The following NCL variants were observed in gnomAD, a reference collection of about 807,000 sequenced individuals.
NCL encodes the protein nucleolin multifunctional protein.
A neutral mutation model predicts 77.7 loss-of-function variants in NCL; 4 were observed. That is an observed-to-expected ratio of 0.05 (90% CI 0.03 to 0.12). The LOEUF (loss-of-function observed/expected upper bound fraction) is 0.12, where lower values mean the gene tolerates loss of function less well. NCL is among the 10% of genes least tolerant of loss of function. The pLI is 1.00. For synonymous variants in NCL, 344 were observed against 297.8 expected (o/e 1.16, Z -1.60); for missense variants, 763 against 860.9 (o/e 0.89, Z 1.42).
intron 2 of NCL, chr2:231,462,480 G>T (rs1044095472): frequency 1.5e-5 from 7 of 469,180 alleles, no homozygotes; most frequent in African/African-American, 9.8e-5. Flanking sequence ...TAGGACCTGA[G>T]ACAAAAAATG....
chr2:231,464,237 C>A (rs1034450246), intron 1 of NCL, 99 bp downstream of exon 1: 7 of 1,507,626 alleles, frequency 4.6e-6, no homozygotes, highest in South Asian at 3.6e-5. Flanking sequence ...CGCCCTAGAA[C>A]GCGCCCGGGA....
Position 231,459,002 on chromosome 2 carries a change from T to C in NCL, c.1164A>G (p.Lys388=), listed in dbSNP as rs557411659. 1.3e-6 allele frequency: 2 copies of C among 1,584,682 alleles called. No individual in the cohort carries two copies. The highest frequency in any genetic ancestry group is 1.4e-5 in the African/African-American group (1 of 73,182). Residue 388 remains lysine, a splice_region_variant and synonymous_variant, in exon 7 of 14, where the codon AAA becomes AAG. Coordinates refer to ENST00000322723, the MANE Select transcript of NCL (RefSeq NM_005381.3). ...LEKPKGKDSK[K]ERDARTLLAK... ...ATAATCTCATAAAGCCTTACATACCTTTCTTACTGTCTTTTCCTTTTGGTT... is the reference window on the plus strand; with the variant it reads ...ATAATCTCATAAAGCCTTACATACCCTTCTTACTGTCTTTTCCTTTTGGTT...
At chr2:231,461,399 C>G in intron 3 of NCL, 141 bp downstream of exon 3, 17 of 1,348,056 alleles carry the variant, frequency 1.3e-5, no homozygotes, top group Non-Finnish European at 1.7e-5. Context: ...GTAATTAAGT[C>G]TAGCACACCA....
At chr2:231,464,227 C>A in intron 1 of NCL, 109 bp downstream of exon 1, 1 of 1,495,682 alleles carries the variant, frequency 6.7e-7, no homozygotes, top group Non-Finnish European at 9.0e-7. Context: ...CGCAGCATGG[C>A]GCCCTAGAAC....
rs767926350 is a variant in NCL, at chr2:231,461,879, T to C, written c.274A>G (p.Thr92Ala). The change falls in exon 3 of 14, where the codon ACA becomes GCA. Residue 92 changes from threonine (T) to alanine (A), a missense_variant. Transcript: ENST00000322723. ...GGTGTAACTGTCTTCTTGGCAGGTG[T>C]TGCTGCTGCCTTTTTGCCTGGAGTG... ...AVTPGKKAAA[T>A]PAKKTVTPAK... The C allele has an allele frequency of 1.9e-5, 31 of 1,614,134 alleles. No homozygotes were observed. The highest frequency in any genetic ancestry group is 2.2e-5 in the East Asian group (1 of 44,902).
rs769504580 is a variant in NCL at position 231,455,628 on chromosome 2, GA to G, written c.1833-5del. On this transcript the variant is annotated splice_region_variant and splice_polypyrimidine_tract_variant and intron_variant, in intron 12 of 13. Transcript: ENST00000322723. ...GTTGAAGTCTACAAAACCAAACCTAGAACACCAAATGAAATTGCCCATTATA... is the reference window on the plus strand; with the variant it reads ...GTTGAAGTCTACAAAACCAAACCTAGACACCAAATGAAATTGCCCATTATA... 6.6e-5 allele frequency: 106 copies of G among 1,613,714 alleles called. No individual in the cohort carries two copies. The highest frequency in any genetic ancestry group is 8.8e-5 in the Non-Finnish European group (104 of 1,179,850).
chr2:231,456,478 T>G (rs759617431), intron 11 of NCL, 153 bp downstream of exon 11: 1 of 1,325,912 alleles, frequency 7.5e-7, no homozygotes, highest in Non-Finnish European at 1.1e-6. Context: ...AGGAATTTTC[T>G]TGAGATTTCA....
intron 1 of NCL, 176 bp from the exon 2 acceptor site, chr2:231,463,492 C>T (rs926187084): frequency 2.0e-5 from 12 of 615,362 alleles, no homozygotes; most frequent in Non-Finnish European, 3.1e-5. Flanking sequence ...GGACTACTCT[C>T]AACCGCCCAC....
At position 231,464,415 on chromosome 2, in the gene NCL, G is replaced by A. The variant is rs373019473; in HGVS notation, c.-62C>T. The A allele has an allele frequency of 1.9e-6, 3 of 1,571,044 alleles. No individual in the cohort carries two copies. Among genetic ancestry groups the A allele is most frequent in the Non-Finnish European group, 2.6e-6 (3 of 1,156,048 alleles). On this transcript the variant is annotated 5_prime_UTR_variant, in exon 1 of 14. Coordinates refer to ENST00000322723, the MANE Select transcript of NCL (RefSeq NM_005381.3). The stretch of plus-strand genomic sequence containing the variant: ...ATGAGTCCAGAAGAAGCCAAGCGAC[G>A]GCGATGGCGGCCGCGGGTGCTGAAG...
intron 8 of NCL, 38 bp downstream of exon 8, chr2:231,458,228 G>A: frequency 6.3e-7 from 1 of 1,589,582 alleles, no homozygotes; most frequent in Non-Finnish European, 8.5e-7. Context: ...GTGCATTAAT[G>A]TTAATAAAAC....
chr2:231,461,211 G>A (rs948497424), intron 3 of NCL, among the ~76,000 whole-genome samples: 3 of 151,942 alleles, frequency 2.0e-5, no homozygotes, highest in African/African-American at 7.3e-5. Context: ...AGGAGATGGA[G>A]GCTGCAGTGA....
intron 6 of NCL, 111 bp downstream of exon 6, chr2:231,460,041 G>T: frequency 1.6e-6 from 2 of 1,213,598 alleles, no homozygotes; most frequent in Non-Finnish European, 2.3e-6. Context: ...AATCCTTGAA[G>T]ATGTTTACAG....
chr2:231,464,474 A>T lies in NCL; in HGVS notation c.-121T>A. 1 of 1,376,506 alleles carries T rather than the reference A, an allele frequency of 7.3e-7. No homozygotes were observed. Among genetic ancestry groups the T allele is most frequent in the Non-Finnish European group, 1.0e-6 (1 of 990,440 alleles). The allele number at this position is 1,376,506 out of a possible 1,614,324, so 85.3% of individuals were successfully genotyped here. Reference sequence around the variant, plus strand: ...GCACGTACACCCGAAGGCCAGCGAGAGCTCGAGACTGAGGCGAAAGACTGA... The same window carrying T: ...GCACGTACACCCGAAGGCCAGCGAGTGCTCGAGACTGAGGCGAAAGACTGA... On this transcript the variant is annotated 5_prime_UTR_variant, in exon 1 of 14. Transcript: ENST00000322723.
At chr2:231,456,513 C>A in intron 11 of NCL, 118 bp downstream of exon 11, 1 of 1,432,040 alleles carries the variant, frequency 7.0e-7, no homozygotes, top group South Asian at 1.1e-5. Context: ...GGTAATCAGT[C>A]ATCATATCCA....
intron 1 of NCL, chr2:231,463,550 A>C: frequency 2.0e-6 from 1 of 506,856 alleles, no homozygotes; most frequent in Non-Finnish European, 3.5e-6. Context: ...CTAAGGTAAA[A>C]AGTCAACCTG....
rs2046869510 is a variant in NCL, at chr2:231,454,929, C to T, written c.*262G>A. 3.3e-6 allele frequency: 1 copy of T among 307,484 alleles called. No individual in the cohort carries two copies. The highest frequency in any genetic ancestry group is 6.0e-6 in the Non-Finnish European group (1 of 167,894). 19.0% of individuals were successfully genotyped at this position (307,484 alleles called of 1,614,324 possible). ...ATTTGTAGGAAAAAATGGTTTTGTACATGGGATGAAACAATATAAATTCAA... is the reference window on the plus strand; with the variant it reads ...ATTTGTAGGAAAAAATGGTTTTGTATATGGGATGAAACAATATAAATTCAA... On this transcript the variant is annotated 3_prime_UTR_variant, in exon 14 of 14. Transcript: ENST00000322723.
At chr2:231,458,567 TC>T in intron 7 of NCL, 178 bp from the exon 8 acceptor site, 1 of 766,984 alleles carries the variant, frequency 1.3e-6, no homozygotes, top group Non-Finnish European at 2.0e-6. Context: ...AAGTGGTCCC[TC>T]CATGTTGTCA....
At chr2:231,455,361 A>C in intron 13 of NCL, 40 bp downstream of exon 13, 1 of 1,613,618 alleles carries the variant, frequency 6.2e-7, no homozygotes, top group Non-Finnish European at 8.5e-7. Flanking sequence ...GGGTCTGAAG[A>C]GCACATGCTA....
At chr2:231,456,272 G>T in intron 11 of NCL, 136 bp from the exon 12 acceptor site, 1 of 1,113,998 alleles carries the variant, frequency 9.0e-7, no homozygotes, top group Non-Finnish European at 1.3e-6. Flanking sequence ...AAGCCAACTA[G>T]TCCTTAATTA....
Sources: gnomAD v4.1 joint callset for allele counts (sites outside exome capture counted in the v4.1 genomes callset) on GRCh38, gnomAD v4.1.1 for gene constraint, MANE v1.5 for transcripts, NCBI Gene and HGNC (gene_info 2026-07-23, HGNC 2026-07-21) for gene names.